The following APP variants were observed in gnomAD, a reference collection of about 807,000 sequenced individuals.
APP encodes the protein amyloid beta precursor protein.
Under a neutral mutation model 101.4 loss-of-function variants are expected in APP, and 31 were observed. The ratio of observed to expected loss-of-function variants is 0.31; its 90% CI spans 0.23 to 0.41. APP has a LOEUF of 0.41. Ranked by LOEUF, APP falls within the 10% of genes least tolerant of loss-of-function variation. The probability of loss-of-function intolerance (pLI) is 1.00; values close to 1 mark genes in which losing one functional copy is unlikely to be tolerated. For synonymous variants in APP, 366 were observed against 364.4 expected (o/e 1.00, Z -0.05); for missense variants, 839 against 1,003.7 (o/e 0.84, Z 2.22).
intron 13 of APP, among the ~76,000 whole-genome samples, chr21:25,933,594 C>T (rs1019793358): frequency 6.6e-6 from 1 of 152,188 alleles, no homozygotes; most frequent in Non-Finnish European, 1.5e-5. Context: ...TACTTGGCTA[C>T]ACTATAAGCT....
chr21:26,155,728 G>GC (rs2063361489), intron 1 of APP, among the ~76,000 whole-genome samples: 1 of 152,186 alleles, frequency 6.6e-6, no homozygotes, highest in Non-Finnish European at 1.5e-5. Flanking sequence ...GGGCGCGGTG[G>GC]CTCATGCCTG....
chr21:26,056,051 T>C (rs1287657684), intron 3 of APP, among the ~76,000 whole-genome samples: 5 of 152,196 alleles, frequency 3.3e-5, no homozygotes, highest in Admixed American at 6.5e-5. Context: ...TGTTTGTTTG[T>C]TTTCAGACAA....
chr21:26,094,835 T>C (rs1236227947), intron 2 of APP, among the ~76,000 whole-genome samples: 2 of 151,662 alleles, frequency 1.3e-5, no homozygotes, highest in Non-Finnish European at 2.9e-5. Flanking sequence ...TTTATTTTTC[T>C]ATTTATTTAA....
At chr21:26,073,364 AC>A (rs369781636) in intron 3 of APP, among the ~76,000 whole-genome samples, 2 of 152,174 alleles carry the variant, frequency 1.3e-5, no homozygotes, top group African/African-American at 4.8e-5. Context: ...GGGAGAATGC[AC>A]CCATCAACCG....
At chr21:25,964,471 T>C (rs547113355) in intron 11 of APP, among the ~76,000 whole-genome samples, 8 of 152,350 alleles carry the variant, frequency 5.3e-5, no homozygotes, top group African/African-American at 1.9e-4. Context: ...GGAATCCCTT[T>C]ATTAAATCAC....
intron 11 of APP, among the ~76,000 whole-genome samples, chr21:25,968,893 A>G (rs1428872065): frequency 6.6e-6 from 1 of 152,172 alleles, no homozygotes; most frequent in Non-Finnish European, 1.5e-5. Flanking sequence ...ATATTCAAAT[A>G]CCATTTACTG....
At position 26,103,683 on chromosome 21, in the gene APP, G is replaced by C. The variant is rs2062115561; in HGVS notation, c.225+8296C>G. On this transcript the variant is annotated intron_variant, in intron 2 of 17. Transcript: ENST00000346798. ...GGAAAGTATAGGCTCCATTTTATGG[G>C]AAGCTCTCTCAGCATAAGCTGGATA... Among the ~76,000 whole-genome samples, 3 of 152,288 alleles carry C rather than the reference G, an allele frequency of 2.0e-5. No homozygotes were observed. In the South Asian group the frequency reaches 6.2e-4, roughly 32 times the overall value.
intron 6 of APP, among the ~76,000 whole-genome samples, chr21:26,016,603 G>A (rs913582710): frequency 4.0e-5 from 6 of 151,756 alleles, no homozygotes; most frequent in African/African-American, 1.5e-4. Flanking sequence ...ACGAAGTTTC[G>A]CTCTGTTGCC....
At chr21:26,143,310 AAAT>A (rs141241979) in intron 1 of APP, among the ~76,000 whole-genome samples, 57 of 152,310 alleles carry the variant, frequency 3.7e-4, no homozygotes, top group African/African-American at 1.3e-3. Context: ...CAGTCTTAAA[AAAT>A]AATAATGATG....
At chr21:25,982,126 C>T (rs927271225) in intron 9 of APP, among the ~76,000 whole-genome samples, 4 of 152,198 alleles carry the variant, frequency 2.6e-5, no homozygotes, top group Non-Finnish European at 4.4e-5. Context: ...TTAATTTGTG[C>T]TTACAAAATC....
At chr21:26,105,068 CAAAAAAAAA>C (rs10579923) in intron 2 of APP, among the ~76,000 whole-genome samples, 17 of 110,500 alleles carry the variant, frequency 1.5e-4, no homozygotes, top group African/African-American at 6.4e-4. Context: ...GCATTTTTTT[CAAAAAAAAA>C]AAAAAAAAAA....
chr21:26,168,882 C>T (rs2063675503), intron 1 of APP, among the ~76,000 whole-genome samples: 1 of 152,132 alleles, frequency 6.6e-6, no homozygotes, highest in Non-Finnish European at 1.5e-5. Flanking sequence ...AGTTCAATGA[C>T]CTTGCAAATT....
In APP at chr21:25,988,091, G is replaced by A. The variant is rs1394973853; in HGVS notation, c.1091-5614C>T. Among the ~76,000 whole-genome samples, 3 of 152,296 alleles carry A rather than the reference G, an allele frequency of 2.0e-5. No individual in the cohort carries two copies. In the East Asian group the frequency reaches 5.8e-4, roughly 29 times the overall value. ...GCGACCAGGCAGAGTCTTAAGTGAGGAGGTGACATTCAGATCTTCCCAGCT... is the reference window on the plus strand; with the variant it reads ...GCGACCAGGCAGAGTCTTAAGTGAGAAGGTGACATTCAGATCTTCCCAGCT... On this transcript the variant is annotated intron_variant, in intron 8 of 17. Coordinates refer to ENST00000346798, the MANE Select transcript of APP (RefSeq NM_000484.4).
chr21:26,116,222 C>T (rs2146218377), intron 1 of APP, among the ~76,000 whole-genome samples: 1 of 152,108 alleles, frequency 6.6e-6, no homozygotes, highest in South Asian at 2.1e-4. Context: ...CAGAGACGTA[C>T]ATATCAAACT....
chr21:25,901,295 T>TCAAA (rs1254373475), intron 15 of APP, among the ~76,000 whole-genome samples: 10 of 75,266 alleles, frequency 1.3e-4, no homozygotes, highest in African/African-American at 1.6e-4. Context: ...AAATCCTGTT[T>TCAAA]TAAAAAAAAA....
chr21:25,894,386 A>G (rs2037894593), intron 16 of APP, among the ~76,000 whole-genome samples: 1 of 152,252 alleles, frequency 6.6e-6, no homozygotes. Flanking sequence ...GGATCTGGGC[A>G]AAGTAAACTG....
At chr21:26,028,286 C>T (rs920966718) in intron 5 of APP, among the ~76,000 whole-genome samples, 5 of 152,018 alleles carry the variant, frequency 3.3e-5, no homozygotes, top group African/African-American at 1.2e-4. Flanking sequence ...CATTCTTACA[C>T]ATTTAATGAA....
intron 1 of APP, among the ~76,000 whole-genome samples, chr21:26,119,205 G>A (rs1043313131): frequency 6.6e-6 from 1 of 152,126 alleles, no homozygotes; most frequent in Admixed American, 6.5e-5. Flanking sequence ...GGTACTAGAT[G>A]TCAAGCTTTT....
intron 1 of APP, among the ~76,000 whole-genome samples, chr21:26,151,598 T>C (rs867061006): frequency 2.0e-5 from 3 of 152,088 alleles, no homozygotes; most frequent in Non-Finnish European, 4.4e-5. Context: ...GACAATTTTG[T>C]GGTTTGGTTT....
Sources: allele counts gnomAD v4.1 joint callset (sites outside exome capture counted in the v4.1 genomes callset), GRCh38; gene constraint gnomAD v4.1.1; transcripts MANE v1.5; gene names NCBI Gene and HGNC (gene_info 2026-07-23, HGNC 2026-07-21).